The following ULK2 variants were observed in gnomAD, a reference collection of about 807,000 sequenced individuals.
ULK2 encodes the protein serine/threonine-protein kinase ULK2.
In ULK2, 76 loss-of-function variants were observed where a neutral mutation model predicts 127.5. That is an observed-to-expected ratio of 0.60 (90% CI 0.50 to 0.72). The LOEUF is 0.72. ULK2 is among the 30% of genes least tolerant of loss of function. The probability of loss-of-function intolerance (pLI) is 0.00; values close to 1 mark genes in which losing one functional copy is unlikely to be tolerated. For synonymous variants in ULK2, 452 were observed against 461.9 expected, an observed-to-expected ratio of 0.98 and a Z score of 0.28; for missense variants, 1,144 against 1,295.9, an observed-to-expected ratio of 0.88 and a Z score of 1.80.
intron 12 of ULK2, among the ~76,000 whole-genome samples, chr17:19,819,572 C>T (rs577253662): frequency 5.3e-4 from 81 of 152,134 alleles, no homozygotes; most frequent in Non-Finnish European, 1.0e-3. Context: ...GATCTTCAGC[C>T]AAAATTCTCT....
intron 22 of ULK2, 106 bp from the exon 23 acceptor site, chr17:19,782,173 G>C: frequency 8.7e-7 from 1 of 1,150,584 alleles, no homozygotes; most frequent in Middle Eastern, 2.2e-4. Context: ...ATACTTATGA[G>C]TATCAGAATG....
At chr17:19,843,364 T>G in intron 7 of ULK2, 142 bp from the exon 8 acceptor site, 1 of 508,308 alleles carries the variant, frequency 2.0e-6, no homozygotes. Context: ...AATCAAATAA[T>G]AAGGCAAAGA....
rs1162653724 is a variant in ULK2, at chr17:19,867,448, G to A, written c.-31C>T. 2 of 1,574,282 alleles carry A rather than the reference G, an allele frequency of 1.3e-6. No individual in the cohort carries two copies. Among genetic ancestry groups the A allele is most frequent in the African/African-American group, 1.4e-5 (1 of 70,830 alleles). On this transcript the variant is annotated 5_prime_UTR_variant, in exon 1 of 27. Coordinates refer to ENST00000395544, the MANE Select transcript of ULK2 (RefSeq NM_014683.4). ...CGCCCCCGGGGCACACAGCGGACGG[G>A]CGGGCGGCGCAGTGCGGCGCAGGTA...
chr17:19,789,732 A>G (rs549525524), intron 20 of ULK2, among the ~76,000 whole-genome samples: 1 of 152,248 alleles, frequency 6.6e-6, no homozygotes, highest in South Asian at 2.1e-4. Flanking sequence ...TAAAAATTCC[A>G]GAGGTGAAAA....
At chr17:19,865,603 A>G (rs1162180638) in intron 2 of ULK2, 133 bp downstream of exon 2, 3 of 510,698 alleles carry the variant, frequency 5.9e-6, no homozygotes, top group Admixed American at 8.9e-5. Flanking sequence ...AAAAGTGAGC[A>G]TGCAAAAAGG....
chr17:19,814,404 T>C (rs1183894463), intron 13 of ULK2, among the ~76,000 whole-genome samples: 10 of 127,630 alleles, frequency 7.8e-5, no homozygotes, highest in African/African-American at 3.4e-4. Context: ...ATGTCTGTTA[T>C]TATATACATA....
Position 19,843,108 on chromosome 17 carries a change from A to C in ULK2, c.645+13T>G. ...ATCCCAAAACTGAGGACATAAGAAA[A>C]AAGTCAGCCTACCTGAAAAGGTGGT... On this transcript the variant is annotated intron_variant, in intron 8 of 26. Transcript: ENST00000395544. 6.2e-7 allele frequency: 1 copy of C among 1,604,526 alleles called. No homozygotes were observed. Among genetic ancestry groups the C allele is most frequent in the South Asian group, 1.1e-5 (1 of 90,842 alleles).
chr17:19,790,215 G>A (rs1456754029), intron 20 of ULK2, among the ~76,000 whole-genome samples: 3 of 152,100 alleles, frequency 2.0e-5, no homozygotes, highest in East Asian at 3.9e-4. Flanking sequence ...ACAGGAGTTC[G>A]AGACTATCCT....
chr17:19,779,977 C>T (rs1459408295), intron 25 of ULK2, among the ~76,000 whole-genome samples: 1 of 151,998 alleles, frequency 6.6e-6, no homozygotes, highest in African/African-American at 2.4e-5. Flanking sequence ...AGTTGGAAAC[C>T]ACCCTGGCCA....
rs1168817024 is a variant in ULK2 at position 19,775,296 on chromosome 17, C to T, written c.*1053G>A. Reference sequence around the variant, plus strand: ...TAGGCAGAAGACAGCTGCCCATTTTCCTAAGAGAAAACGAACTTCATTTTC... The same window carrying T: ...TAGGCAGAAGACAGCTGCCCATTTTTCTAAGAGAAAACGAACTTCATTTTC... On this transcript the variant is annotated 3_prime_UTR_variant, in exon 27 of 27. Coordinates refer to ENST00000395544, the MANE Select transcript of ULK2 (RefSeq NM_014683.4). The T allele has an allele frequency of 6.6e-6, 1 of 152,596 alleles. No homozygotes were observed. The highest frequency in any genetic ancestry group is 1.9e-4 in the East Asian group (1 of 5,202). 9.5% of individuals were successfully genotyped at this position (152,596 alleles called of 1,614,324 possible).
rs11456096 is a variant in ULK2, at chr17:19,799,579, C to CAAAAAAAA, written c.1442-12_1442-5dup. The CAAAAAAAA allele has an allele frequency of 4.3e-5, 51 of 1,194,366 alleles. 1 individual carries two copies. The highest frequency in any genetic ancestry group is 1.4e-4 in the South Asian group (6 of 43,702). The allele number at this position is 1,194,366 out of a possible 1,614,324, so 74.0% of individuals were successfully genotyped here. A position where few individuals can be genotyped will look rare whatever the true frequency, so the allele number is the denominator to read the frequency against. ...AATTGCTCAGGAATGGTACCAACTA[C>CAAAAAAAA]AAAAAAAAAAAAAAAAAAGATGGGG... On this transcript the variant is annotated splice_region_variant and splice_polypyrimidine_tract_variant and intron_variant, in intron 16 of 26. Coordinates refer to ENST00000395544, the MANE Select transcript of ULK2 (RefSeq NM_014683.4).
intron 13 of ULK2, among the ~76,000 whole-genome samples, chr17:19,814,265 T>C (rs547796647): frequency 6.6e-6 from 1 of 151,282 alleles, no homozygotes; most frequent in South Asian, 2.1e-4. Flanking sequence ...GAAGAAAATA[T>C]AGAACACCAT....
At position 19,781,996 on chromosome 17, in the gene ULK2, T is replaced by G. The variant is rs1034632232; in HGVS notation, c.2532A>C (p.Thr844=). The part of the protein sequence containing the change: ...LMFTECVLDL[T]AMRGGNPELC... ...GCTCAGGGTTTCCTCCCCTCATGGC[T>G]GTCAGGTCCAGCACACACTCAGTGA... Residue 844 remains threonine, a synonymous_variant, in exon 23 of 27, where the codon ACA becomes ACC. Transcript: ENST00000395544. 1.2e-6 allele frequency: 2 copies of G among 1,614,106 alleles called. No individual in the cohort carries two copies. Among genetic ancestry groups the G allele is most frequent in the Non-Finnish European group, 1.7e-6 (2 of 1,180,046 alleles).
At chr17:19,825,759 G>C (rs1238089190) in intron 11 of ULK2, among the ~76,000 whole-genome samples, 1 of 151,492 alleles carries the variant, frequency 6.6e-6, no homozygotes, top group Non-Finnish European at 1.5e-5. Flanking sequence ...GGCTGAGGCG[G>C]GTGGATCACC....
chr17:19,863,796 TTTTGA>T (rs2042294678), intron 3 of ULK2, among the ~76,000 whole-genome samples: 1 of 152,094 alleles, frequency 6.6e-6, no homozygotes, highest in Non-Finnish European at 1.5e-5. Context: ...CCAAGAGTAA[TTTTGA>T]CTATACAGAA....
intron 20 of ULK2, among the ~76,000 whole-genome samples, chr17:19,793,471 C>T (rs2087201492): frequency 6.6e-6 from 1 of 152,146 alleles, no homozygotes; most frequent in Non-Finnish European, 1.5e-5. Context: ...AAGCTGGATC[C>T]CTTCACCACA....
intron 12 of ULK2, among the ~76,000 whole-genome samples, chr17:19,818,132 C>T (rs112373580): frequency 6.6e-6 from 1 of 152,004 alleles, no homozygotes. Flanking sequence ...ACCATCCTGG[C>T]TAACATGGTG....
At chr17:19,867,130 C>T (rs1294549757) in intron 1 of ULK2, among the ~76,000 whole-genome samples, 198 bp downstream of exon 1, 1 of 152,148 alleles carries the variant, frequency 6.6e-6, no homozygotes, top group Non-Finnish European at 1.5e-5. Flanking sequence ...GGTCGGTAGG[C>T]GGAGCGCTGC....
Position 19,831,043 on chromosome 17 carries a change from A to AAC in ULK2, c.788-4858_788-4857insGT, listed in dbSNP as rs61622388. Among the ~76,000 whole-genome samples, 32 of 151,114 alleles carry AAC rather than the reference A, an allele frequency of 2.1e-4. No individual in the cohort carries two copies. The East Asian group carries it at 5.6e-3, about 27-fold the overall frequency. On this transcript the variant is annotated intron_variant, in intron 10 of 26. Coordinates refer to ENST00000395544, the MANE Select transcript of ULK2 (RefSeq NM_014683.4). ...CTCCGTCGCTAAAAAAAAAAAAAAA[A>AAC]CTACCTGAGACTGGCCATTTTATGA...
Sources: allele counts gnomAD v4.1 joint callset (sites outside exome capture counted in the v4.1 genomes callset), GRCh38; gene constraint gnomAD v4.1.1; transcripts MANE v1.5; gene names NCBI Gene and HGNC (gene_info 2026-07-23, HGNC 2026-07-21).